Variants in FCHO2 observed in about 807,000 individuals in gnomAD.
The protein encoded by FCHO2 is F-BAR domain only protein 2.
A neutral mutation model predicts 114.1 loss-of-function variants in FCHO2; 43 were observed. The ratio of observed to expected loss-of-function variants is 0.38; its 90% CI spans 0.30 to 0.49. The LOEUF (loss-of-function observed/expected upper bound fraction) is 0.49. Ranked by LOEUF, FCHO2 falls within the 20% of genes least tolerant of loss-of-function variation. FCHO2 has a pLI of 0.97. For missense variants in FCHO2, 807 were observed against 950.4 expected (o/e 0.85, Z 1.98); for synonymous variants, 293 against 315.2 (o/e 0.93, Z 0.75).
In FCHO2 at chr5:73,010,875, CAAAAAAAAA is replaced by C. The variant is rs57820498; in HGVS notation, c.600+4345_600+4353del. 3.1e-4 allele frequency among the ~76,000 whole-genome samples: 8 copies of C among 25,754 alleles called. No homozygotes were observed. The East Asian group carries it at 6.9e-3, about 22-fold the overall frequency. The allele number at this position is 25,754 out of a possible 152,430, so 16.9% of individuals were successfully genotyped here. A position where few individuals can be genotyped will look rare whatever the true frequency, so the allele number is the denominator to read the frequency against. On this transcript the variant is annotated intron_variant, in intron 6 of 25. Transcript: ENST00000430046. ...TGGGTGACAGAGTGAGACTCTGTCT[CAAAAAAAAA>C]AAAAAAAAAAAAAAAAAAGAGAGAA...
At position 72,964,454 on chromosome 5, in the gene FCHO2, C is replaced by T. The variant is rs528688078; in HGVS notation, c.34-4044C>T. On this transcript the variant is annotated intron_variant, in intron 1 of 25. Coordinates refer to ENST00000430046, the MANE Select transcript of FCHO2 (RefSeq NM_138782.3). ...AGGCTGGAGTGCAGTGGCATGATCTCAGCTCTGCAACCTCTGCCTCCCGGG... is the reference window on the plus strand; with the variant it reads ...AGGCTGGAGTGCAGTGGCATGATCTTAGCTCTGCAACCTCTGCCTCCCGGG... Among the ~76,000 whole-genome samples the T allele has an allele frequency of 3.3e-5, 5 of 152,240 alleles. No homozygotes were observed. The East Asian group carries it at 9.7e-4, about 29-fold the overall frequency.
At chr5:72,959,968 T>A (rs1751763650) in intron 1 of FCHO2, among the ~76,000 whole-genome samples, 1 of 152,076 alleles carries the variant, frequency 6.6e-6, no homozygotes, top group African/African-American at 2.4e-5. Context: ...TTTGTGGAGA[T>A]GAGATCTCGC....
At chr5:73,057,195 T>C (rs1489966878) in intron 16 of FCHO2, among the ~76,000 whole-genome samples, 1 of 151,918 alleles carries the variant, frequency 6.6e-6, no homozygotes, top group Non-Finnish European at 1.5e-5. Context: ...CAAAGTACTG[T>C]GATTACAGGC....
At chr5:72,966,444 A>G (rs545356961) in intron 1 of FCHO2, among the ~76,000 whole-genome samples, 1 of 152,202 alleles carries the variant, frequency 6.6e-6, no homozygotes, top group Non-Finnish European at 1.5e-5. Flanking sequence ...GCCTCTGACA[A>G]TAAATTTTTA....
chr5:73,054,479 T>C lies in FCHO2; in HGVS notation c.1186-46T>C. On this transcript the variant is annotated intron_variant, in intron 14 of 25. Coordinates refer to ENST00000430046, the MANE Select transcript of FCHO2 (RefSeq NM_138782.3). ...TAACATTTTACCAAATATTTAATTATCAAATTCATTTGTTTTATGGTACCT... is the reference window on the plus strand; with the variant it reads ...TAACATTTTACCAAATATTTAATTACCAAATTCATTTGTTTTATGGTACCT... The C allele has an allele frequency of 2.0e-6, 3 of 1,490,976 alleles. No individual in the cohort carries two copies. In the South Asian group the frequency reaches 3.8e-5, roughly 19 times the overall value. The allele number at this position is 1,490,976 out of a possible 1,614,324, so 92.4% of individuals were successfully genotyped here.
chr5:73,036,137 C>T (rs1461652491), intron 9 of FCHO2, among the ~76,000 whole-genome samples: 2 of 152,106 alleles, frequency 1.3e-5, no homozygotes, highest in African/African-American at 4.8e-5. Flanking sequence ...AGATCCACCA[C>T]ACCAGGCCTT....
intron 5 of FCHO2, among the ~76,000 whole-genome samples, chr5:73,005,865 G>C (rs1561441360): frequency 6.6e-6 from 1 of 151,916 alleles, no homozygotes; most frequent in Non-Finnish European, 1.5e-5. Context: ...TTTAAGTCTT[G>C]AAAAAATAGG....
intron 11 of FCHO2, among the ~76,000 whole-genome samples, chr5:73,044,547 A>G (rs967001845): frequency 6.6e-6 from 1 of 152,228 alleles, no homozygotes; most frequent in African/African-American, 2.4e-5. Flanking sequence ...TCAATAGGCT[A>G]TCATGGTAGG....
At chr5:73,003,020 T>C (rs1754528191) in intron 5 of FCHO2, among the ~76,000 whole-genome samples, 1 of 152,182 alleles carries the variant, frequency 6.6e-6, no homozygotes, top group Non-Finnish European at 1.5e-5. Flanking sequence ...TATTTGTTTT[T>C]TTGTTTTTTG....
rs377024885 is a variant in FCHO2, at chr5:73,058,544, T to C, written c.1345+20T>C. The stretch of plus-strand genomic sequence containing the variant: ...CATCAGGTAAATATATATATGTATA[T>C]ATGTATTTTTTTAAATAAAGAATAC... On this transcript the variant is annotated intron_variant, in intron 17 of 25. Transcript: ENST00000430046. The C allele has an allele frequency of 1.4e-4, 140 of 981,172 alleles. No individual in the cohort carries two copies. The highest frequency in any genetic ancestry group is 5.9e-5 in the Admixed American group (2 of 33,686). The allele number at this position is 981,172 out of a possible 1,614,324, so 60.8% of individuals were successfully genotyped here. A position where few individuals can be genotyped will look rare whatever the true frequency, so the allele number is the denominator to read the frequency against.
chr5:72,990,417 T>C, intron 3 of FCHO2, 61 bp from the exon 4 acceptor site: 1 of 1,326,786 alleles, frequency 7.5e-7, no homozygotes, highest in African/African-American at 1.5e-5. Context: ...GGTTCCTTGT[T>C]AGAACCTTAA....
intron 14 of FCHO2, among the ~76,000 whole-genome samples, 157 bp downstream of exon 14, chr5:73,054,328 A>G (rs1757482127): frequency 6.6e-6 from 1 of 152,176 alleles, no homozygotes; most frequent in Non-Finnish European, 1.5e-5. Flanking sequence ...ATTAGGTGTT[A>G]AAACTACATG....
chr5:73,068,897 T>G (rs1484314769), intron 19 of FCHO2, 118 bp downstream of exon 19: 7 of 1,167,718 alleles, frequency 6.0e-6, no homozygotes, highest in Non-Finnish European at 8.1e-6. Flanking sequence ...TTTGTTTTTC[T>G]GGAAACACAC....
chr5:73,042,029 C>T (rs1373656878), intron 11 of FCHO2, among the ~76,000 whole-genome samples: 1 of 152,064 alleles, frequency 6.6e-6, no homozygotes, highest in Non-Finnish European at 1.5e-5. Context: ...GATCCCAAAA[C>T]ATTTTGATCT....
At chr5:73,084,188 C>A (rs577926312) in intron 24 of FCHO2, among the ~76,000 whole-genome samples, 173 of 152,198 alleles carry the variant, frequency 1.1e-3, no homozygotes, top group African/African-American at 4.0e-3. Flanking sequence ...AAAGAGAATT[C>A]TTCTGCCTTC....
At chr5:73,086,705 T>G (rs1450258199) in intron 24 of FCHO2, among the ~76,000 whole-genome samples, 1 of 152,208 alleles carries the variant, frequency 6.6e-6, no homozygotes, top group Non-Finnish European at 1.5e-5. Flanking sequence ...GACACTAATC[T>G]GAAATGTTCT....
chr5:73,016,254 G>C (rs1031995140), intron 7 of FCHO2, among the ~76,000 whole-genome samples: 1 of 151,560 alleles, frequency 6.6e-6, no homozygotes, highest in Non-Finnish European at 1.5e-5. Context: ...TTTGAGACCA[G>C]CCTGGGCAAC....
intron 2 of FCHO2, among the ~76,000 whole-genome samples, chr5:72,976,207 G>A (rs1425435740): frequency 6.6e-6 from 1 of 151,994 alleles, no homozygotes; most frequent in Admixed American, 6.6e-5. Flanking sequence ...GTTTTAATTA[G>A]CATTTTCCTG....
intron 17 of FCHO2, among the ~76,000 whole-genome samples, chr5:73,062,969 C>A (rs1757918336): frequency 6.6e-6 from 1 of 151,998 alleles, no homozygotes; most frequent in African/African-American, 2.4e-5. Flanking sequence ...TGAATTATAG[C>A]CTGTATTTTA....
Sources: allele counts gnomAD v4.1 joint callset (sites outside exome capture counted in the v4.1 genomes callset), GRCh38; gene constraint gnomAD v4.1.1; transcripts MANE v1.5; gene names NCBI Gene and HGNC (gene_info 2026-07-23, HGNC 2026-07-21).